The following DAPK2 variants were observed in gnomAD, a reference collection of about 807,000 sequenced individuals.
The protein encoded by DAPK2 is death-associated protein kinase 2.
Under a neutral mutation model 44.1 loss-of-function variants are expected in DAPK2, and 35 were observed. The ratio of observed to expected loss-of-function variants is 0.79; its 90% CI spans 0.61 to 1.05. DAPK2 has a LOEUF of 1.05. DAPK2 is among the 50% of genes least tolerant of loss of function. DAPK2 has a pLI of 0.00. For synonymous variants in DAPK2, 174 were observed against 182.6 expected (o/e 0.95, Z 0.38); for missense variants, 453 against 483.2 (o/e 0.94, Z 0.59).
intron 3 of DAPK2, among the ~76,000 whole-genome samples, chr15:63,954,541 G>T (rs908236675): frequency 1.3e-5 from 2 of 152,182 alleles, no homozygotes; most frequent in Non-Finnish European, 2.9e-5. Flanking sequence ...TGCTGTTTTG[G>T]TTACTATATA....
chr15:63,957,167 T>C (rs1567231647), intron 3 of DAPK2, among the ~76,000 whole-genome samples: 1 of 152,242 alleles, frequency 6.6e-6, no homozygotes, highest in Non-Finnish European at 1.5e-5. Context: ...TTTATCATTA[T>C]ATAATGGCTT....
chr15:63,939,411 A>G lies in DAPK2; in HGVS notation c.454-50T>C. The G allele has an allele frequency of 1.3e-6, 2 of 1,550,926 alleles. No individual in the cohort carries two copies. Among genetic ancestry groups the G allele is most frequent in the Non-Finnish European group, 1.7e-6 (2 of 1,155,142 alleles). On this transcript the variant is annotated intron_variant, in intron 3 of 10. Coordinates refer to ENST00000261891, the Ensembl canonical transcript of DAPK2. This position sits in a 1 kb window ranked among gnomAD's most constrained non-coding sequence, Gnocchi z 4.3. ...AAAAAAGGAAGGAAGAAAAGAAAAA[A>G]AAAGACGGTAATTAAAGGCTGGTTG... is the stretch of plus-strand genomic sequence containing the variant.
chr15:63,959,329 A>T (rs1481882657), intron 3 of DAPK2, among the ~76,000 whole-genome samples: 1 of 152,128 alleles, frequency 6.6e-6, no homozygotes, highest in Non-Finnish European at 1.5e-5. Context: ...CTCTTTTCCT[A>T]ATTGAATACC....
chr15:64,028,456 A>G (rs751638770), intron 1 of DAPK2, among the ~76,000 whole-genome samples: 5 of 152,240 alleles, frequency 3.3e-5, no homozygotes, highest in Non-Finnish European at 7.3e-5. Flanking sequence ...GAGAGACATA[A>G]CCACAAGATG....
chr15:63,939,432 G>A lies in DAPK2; in HGVS notation c.454-71C>T. 1 of 1,490,682 alleles carries A rather than the reference G, an allele frequency of 6.7e-7. No individual in the cohort carries two copies. Among genetic ancestry groups the A allele is most frequent in the Non-Finnish European group, 9.0e-7 (1 of 1,112,566 alleles). 92.3% of individuals were successfully genotyped at this position (1,490,682 alleles called of 1,614,324 possible). On this transcript the variant is annotated intron_variant, in intron 3 of 10. Transcript: ENST00000261891. This position sits in a 1 kb window ranked among gnomAD's most constrained non-coding sequence, Gnocchi z 4.3. ...AAAAAAAAGACGGTAATTAAAGGCT[G>A]GTTGGTTCGTGTTTTGGCTTTGGGG...
intron 1 of DAPK2, among the ~76,000 whole-genome samples, chr15:64,023,375 C>A (rs918353054): frequency 6.6e-6 from 1 of 152,162 alleles, no homozygotes; most frequent in East Asian, 1.9e-4. Context: ...AACCTAGAAG[C>A]CATAAAGGAA....
intron 3 of DAPK2, among the ~76,000 whole-genome samples, chr15:63,962,888 G>A (rs1311853991): frequency 6.6e-6 from 1 of 152,226 alleles, no homozygotes; most frequent in Non-Finnish European, 1.5e-5. Context: ...TGTCAGACAA[G>A]GACGTTTAAG....
rs181420612 is a variant in DAPK2 at position 63,968,827 on chromosome 15, C to T, written c.453+2596G>A. 1.2e-4 allele frequency among the ~76,000 whole-genome samples: 18 copies of T among 152,340 alleles called. No homozygotes were observed. The East Asian group carries it at 3.3e-3, about 28-fold the overall frequency. On this transcript the variant is annotated intron_variant, in intron 3 of 10. Coordinates refer to ENST00000261891, the Ensembl canonical transcript of DAPK2. ...CAAGCCAAACATCACGAACCTGCTG[C>T]AGTCATTGGTGCCTGTTGGGCTCCA...
At chr15:63,933,706 C>T (rs190473794) in intron 4 of DAPK2, among the ~76,000 whole-genome samples, 2 of 151,574 alleles carry the variant, frequency 1.3e-5, no homozygotes, top group African/African-American at 2.4e-5. Flanking sequence ...TTAAGCGATC[C>T]TCTCACCTCA....
At chr15:63,914,157 A>G (rs2078865856) in intron 8 of DAPK2, among the ~76,000 whole-genome samples, 1 of 151,358 alleles carries the variant, frequency 6.6e-6, no homozygotes, top group African/African-American at 2.4e-5. Flanking sequence ...CACCACCTTG[A>G]AAGGGTGTCA....
intron 1 of DAPK2, among the ~76,000 whole-genome samples, chr15:64,014,927 C>CAA (rs5813274): frequency 4.2e-5 from 5 of 120,302 alleles, no homozygotes; most frequent in Admixed American, 8.3e-5. Flanking sequence ...GACTCCATCT[C>CAA]AAAAAAAAAA....
intron 3 of DAPK2, among the ~76,000 whole-genome samples, chr15:63,968,539 TG>T (rs1399002968): frequency 6.6e-6 from 1 of 152,242 alleles, no homozygotes; most frequent in Non-Finnish European, 1.5e-5. Context: ...TCCTAGTCTA[TG>T]GGGCCCACAA....
At chr15:63,991,934 G>A (rs2078831818) in intron 1 of DAPK2, among the ~76,000 whole-genome samples, 1 of 152,120 alleles carries the variant, frequency 6.6e-6, no homozygotes, top group Non-Finnish European at 1.5e-5. Context: ...TGTTCTGTAT[G>A]GGCCTGCAGC....
chr15:63,932,165 T>TAA (rs386383265), intron 4 of DAPK2, among the ~76,000 whole-genome samples: 14 of 137,056 alleles, frequency 1.0e-4, no homozygotes, highest in Non-Finnish European at 1.5e-4. Flanking sequence ...AGACCCTGTT[T>TAA]AAAAAAAAAA....
chr15:63,926,155 G>T, intron 6 of DAPK2, 62 bp from the exon 8 acceptor site: 1 of 1,544,912 alleles, frequency 6.5e-7, no homozygotes, highest in Non-Finnish European at 8.8e-7. Context: ...GGGGATTACG[G>T]ACTCGGGGAA....
chr15:64,036,350 T>TAC (rs2080211862), intron 1 of DAPK2, among the ~76,000 whole-genome samples: 1 of 128,214 alleles, frequency 7.8e-6, no homozygotes, highest in Non-Finnish European at 1.7e-5. Context: ...TATATATATA[T>TAC]ATATTTTAGT....
chr15:63,969,156 T>G (rs995413768), intron 3 of DAPK2, among the ~76,000 whole-genome samples: 19 of 152,242 alleles, frequency 1.2e-4, no homozygotes, highest in Non-Finnish European at 5.9e-5. Context: ...CAGTGGCTCA[T>G]GCCTGTAGTC....
At chr15:63,935,264 T>C (rs890399689) in intron 4 of DAPK2, among the ~76,000 whole-genome samples, 1 of 152,008 alleles carries the variant, frequency 6.6e-6, no homozygotes, top group Non-Finnish European at 1.5e-5. Flanking sequence ...CTAATTTTTG[T>C]ATTTTTAGTA....
intron 3 of DAPK2, among the ~76,000 whole-genome samples, chr15:63,957,241 C>G (rs2077749816): frequency 6.6e-6 from 1 of 152,124 alleles, no homozygotes; most frequent in African/African-American, 2.4e-5. Context: ...TACTCCTGCT[C>G]TTTTTTAGTT....
Sources: allele counts gnomAD v4.1 joint callset (sites outside exome capture counted in the v4.1 genomes callset), GRCh38; gene constraint gnomAD v4.1.1; non-coding constraint Gnocchi (gnomAD v3.1); transcripts MANE v1.5; gene names NCBI Gene and HGNC (gene_info 2026-07-23, HGNC 2026-07-21).